The following TRPM3 variants were observed in gnomAD, a reference collection of about 807,000 sequenced individuals.
TRPM3 encodes transient receptor potential cation channel subfamily M member 3.
TRPM3 carries 77 observed loss-of-function variants against 181.2 expected under a neutral mutation model. The observed-to-expected ratio is 0.42, with a 90% CI of 0.35 to 0.51. TRPM3 has a LOEUF of 0.51. Ranked by LOEUF, TRPM3 falls within the 20% of genes least tolerant of loss-of-function variation. The pLI, the probability that TRPM3 is intolerant of heterozygous loss-of-function variation, is 0.01. For missense variants in TRPM3, 1,759 were observed against 2,196.7 expected (o/e 0.80, Z 3.98); for synonymous variants, 745 against 796.4 (o/e 0.94, Z 1.09).
intron 7 of TRPM3, chr9:70,776,082 C>T (rs1457768805): frequency 5.3e-6 from 1 of 189,456 alleles, no homozygotes; most frequent in Non-Finnish European, 1.1e-5. Context: ...CATTTATTTT[C>T]ACAAGCCCTC....
At position 71,403,798 on chromosome 9, in the gene TRPM3, A is replaced by G. The variant is rs116678112; in HGVS notation, c.183+42855T>C. On this transcript the variant is annotated intron_variant, in intron 1 of 24. Transcript: ENST00000357533. ...TCAGTCTTCAGGAGACACCATCAAA[A>G]GAGCTAAGACCCATGGAACCTCAGA... 5.0e-3 allele frequency among the ~76,000 whole-genome samples: 754 copies of G among 150,336 alleles called. 3 individuals carry two copies. Among genetic ancestry groups the G allele is most frequent in the African/African-American group, 0.015 (623 of 40,302 alleles).
At position 70,618,937 on chromosome 9, in the gene TRPM3, G is replaced by C. The variant is rs372046498; in HGVS notation, c.2288C>G (p.Thr763Arg). ...AAKHRDFIAH[T>R]CSQMLLTDMW... is the part of the protein sequence containing the mutation. ...GTCGGTGAGCAGCATCTGGCTGCAC[G>C]TGTGCGCGATGAAGTCGCGGTGTTT... Residue 763 changes from threonine to arginine, a missense_variant, in exon 17 of 26, where the codon ACG becomes AGG. Physicochemically the swap from Thr to Arg is moderately conservative, Grantham distance 71 (BLOSUM62 -1). This residue lies in a region of TRPM3 where 4 missense variants were observed against 23.1 expected (regional missense o/e 0.17). Transcript: ENST00000677713. 1 of 1,613,370 alleles carries C rather than the reference G, an allele frequency of 6.2e-7. No individual in the cohort carries two copies. The highest frequency in any genetic ancestry group is 8.5e-7 in the Non-Finnish European group (1 of 1,180,002).
At chr9:70,873,695 A>C (rs545533038) in intron 1 of TRPM3, among the ~76,000 whole-genome samples, 1 of 152,106 alleles carries the variant, frequency 6.6e-6, no homozygotes, top group East Asian at 1.9e-4. Context: ...GTGAATCACC[A>C]TGACCATTGT....
intron 1 of TRPM3, among the ~76,000 whole-genome samples, chr9:70,867,129 TC>T (rs755676879): frequency 5.3e-5 from 8 of 151,990 alleles, no homozygotes; most frequent in Non-Finnish European, 1.2e-4. Context: ...CCTCTTCTAG[TC>T]CCCACATGCG....
At chr9:71,032,846 T>G (rs541582962) in intron 1 of TRPM3, among the ~76,000 whole-genome samples, 1 of 152,332 alleles carries the variant, frequency 6.6e-6, no homozygotes, top group Non-Finnish European at 1.5e-5. Flanking sequence ...CAGATGTATT[T>G]TATATATTTG....
At chr9:70,928,345 C>T (rs1309567359) in intron 1 of TRPM3, among the ~76,000 whole-genome samples, 3 of 152,142 alleles carry the variant, frequency 2.0e-5, no homozygotes, top group Non-Finnish European at 2.9e-5. Flanking sequence ...CTAAAAATTG[C>T]CTTCTCTTTC....
chr9:70,700,229 T>A (rs938680224), intron 8 of TRPM3, among the ~76,000 whole-genome samples: 3 of 152,290 alleles, frequency 2.0e-5, no homozygotes, highest in African/African-American at 4.8e-5. Context: ...GTGATGCACC[T>A]GCCCCAGCCT....
intron 1 of TRPM3, among the ~76,000 whole-genome samples, chr9:71,055,649 A>G (rs1365933377): frequency 1.3e-5 from 2 of 151,998 alleles, no homozygotes; most frequent in Non-Finnish European, 2.9e-5. Flanking sequence ...TTGCTGTCTT[A>G]AAGGAATTGG....
chr9:71,107,526 G>C (rs993180847), intron 1 of TRPM3, among the ~76,000 whole-genome samples: 1 of 152,048 alleles, frequency 6.6e-6, no homozygotes, highest in Non-Finnish European at 1.5e-5. Context: ...TTGATCAAAG[G>C]CCTGTTCTTT....
rs527835833 is a variant in TRPM3, at chr9:71,204,979, G to A, written c.183+241674C>T. On this transcript the variant is annotated intron_variant, in intron 1 of 24. Transcript: ENST00000357533. ...ATCGCAAGGACAAAAAACCAAACAC[G>A]GCATGTTCTCACTCATAGATGGGAA... Among the ~76,000 whole-genome samples the A allele has an allele frequency of 2.6e-5, 4 of 151,742 alleles. No homozygotes were observed. In the East Asian group the frequency reaches 5.8e-4, roughly 22 times the overall value.
At chr9:70,700,164 G>A (rs959434612) in intron 8 of TRPM3, among the ~76,000 whole-genome samples, 10 of 152,248 alleles carry the variant, frequency 6.6e-5, no homozygotes, top group Admixed American at 6.5e-4. Context: ...TGTATTTTTA[G>A]TAGAGAAGGG....
In TRPM3 at chr9:70,616,014, T is replaced by C; in HGVS notation, c.2420A>G (p.Asp807Gly). ...CTGGGCCTGAGACATATAGGGCATG[T>C]CGTCTTTGTTCTTGAACTCCAAGCT... is the stretch of plus-strand genomic sequence containing the variant. ...ILSLEFKNKDDMPYMSQAQEI... is the reference protein window; with the variant it reads ...ILSLEFKNKDGMPYMSQAQEI... Residue 807 changes from aspartate to glycine, a missense_variant, in exon 18 of 26, where the codon GAC (aspartate) becomes GGC (glycine). Around this residue, in one of 8 missense-constraint regions of TRPM3, gnomAD observed 114 missense variants for 134.8 expected, o/e 0.85. Transcript: ENST00000677713. The C allele has an allele frequency of 6.2e-7, 1 of 1,612,094 alleles. No homozygotes were observed. Among genetic ancestry groups the C allele is most frequent in the Non-Finnish European group, 8.5e-7 (1 of 1,179,016 alleles).
chr9:70,584,388 C>CA (rs1489221702), intron 22 of TRPM3, among the ~76,000 whole-genome samples: 2 of 152,134 alleles, frequency 1.3e-5, no homozygotes, highest in East Asian at 1.9e-4. Flanking sequence ...CACTCTTGTG[C>CA]AAAAAACCCT....
intron 1 of TRPM3, among the ~76,000 whole-genome samples, chr9:71,381,717 T>C (rs2092805211): frequency 6.6e-6 from 1 of 152,076 alleles, no homozygotes; most frequent in African/African-American, 2.4e-5. Context: ...TAAATGAAGA[T>C]TGGAATGGGA....
intron 1 of TRPM3, among the ~76,000 whole-genome samples, chr9:71,048,158 C>G (rs1160175071): frequency 6.6e-6 from 1 of 152,036 alleles, no homozygotes; most frequent in Non-Finnish European, 1.5e-5. Context: ...TTGCACCAAC[C>G]AAATATTAAC....
chr9:70,682,631 A>G (rs1289504942), intron 8 of TRPM3, among the ~76,000 whole-genome samples: 1 of 152,226 alleles, frequency 6.6e-6, no homozygotes, highest in Non-Finnish European at 1.5e-5. Flanking sequence ...ATGTGGCCTC[A>G]GGCATAACTC....
intron 1 of TRPM3, among the ~76,000 whole-genome samples, chr9:71,222,804 C>T (rs1323539614): frequency 6.6e-6 from 1 of 152,152 alleles, no homozygotes; most frequent in East Asian, 1.9e-4. Context: ...TCGGTGCTAC[C>T]AACACCAGGC....
At chr9:70,630,191 A>C (rs7041495) in intron 12 of TRPM3, among the ~76,000 whole-genome samples, 1 of 152,254 alleles carries the variant, frequency 6.6e-6, no homozygotes, top group African/African-American at 2.4e-5. Context: ...CCTGACCCCA[A>C]GTGACCCTGG....
chr9:71,135,435 T>C (rs781515583), intron 1 of TRPM3, among the ~76,000 whole-genome samples: 6 of 152,140 alleles, frequency 3.9e-5, no homozygotes, highest in Non-Finnish European at 8.8e-5. Context: ...CAGAGCACCT[T>C]GCTAGTTTGG....
Sources: gnomAD v4.1 joint callset for allele counts (sites outside exome capture counted in the v4.1 genomes callset) on GRCh38, gnomAD v4.1.1 for gene constraint, gnomAD v4.1.1 regional missense constraint, MANE v1.5 for transcripts, NCBI Gene and HGNC (gene_info 2026-07-23, HGNC 2026-07-21) for gene names.